SOX5: variants seen among roughly 807,000 people sequenced by gnomAD.
SOX5 encodes the protein SRY-box transcription factor 5.
A neutral mutation model predicts 92.0 loss-of-function variants in SOX5; 9 were observed. The observed-to-expected ratio is 0.10, with a 90% CI of 0.06 to 0.17. SOX5 has a LOEUF of 0.17. Among genes scored for constraint, SOX5 ranks in the 10% least tolerant of loss-of-function variants. The probability of loss-of-function intolerance (pLI) is 1.00; values close to 1 mark genes in which losing one functional copy is unlikely to be tolerated. For synonymous variants in SOX5, 344 were observed against 336.3 expected, an observed-to-expected ratio of 1.02 and a Z score of -0.25; for missense variants, 642 against 944.5, an observed-to-expected ratio of 0.68 and a Z score of 4.20.
intron 3 of SOX5, among the ~76,000 whole-genome samples, chr12:24,275,031 T>A (rs1030131740): frequency 6.0e-5 from 6 of 99,512 alleles, no homozygotes; most frequent in Non-Finnish European, 8.1e-5. Context: ...AATCCTCATT[T>A]CAACCCGACT....
intron 2 of SOX5, among the ~76,000 whole-genome samples, chr12:23,871,702 T>C (rs562329093): frequency 1.3e-4 from 20 of 152,240 alleles, no homozygotes; most frequent in African/African-American, 4.8e-4. Context: ...ATGACTCCGT[T>C]GGTATAAAAA....
intron 10 of SOX5, among the ~76,000 whole-genome samples, chr12:23,574,527 G>A (rs1948833424): frequency 6.6e-6 from 1 of 152,136 alleles, no homozygotes; most frequent in Admixed American, 6.6e-5. Flanking sequence ...ACTGAATTAT[G>A]TCAATTCTTC....
rs982340 is a variant in SOX5 at position 23,731,957 on chromosome 12, A to T, written c.810+2727T>A. Among the ~76,000 whole-genome samples the T allele has an allele frequency of 0.012, 1,882 of 152,314 alleles. 77 individuals are homozygous for T. In the East Asian group the frequency reaches 0.16, roughly 13 times the overall value. Reference sequence around the variant, plus strand: ...GTATGTTTATTTCTACAAGGTATCAAGGCACTGTATTTAAAAAAGAAAAAA... The same window carrying T: ...GTATGTTTATTTCTACAAGGTATCATGGCACTGTATTTAAAAAAGAAAAAA... On this transcript the variant is annotated intron_variant, in intron 6 of 14. Coordinates refer to ENST00000451604, the MANE Select transcript of SOX5 (RefSeq NM_006940.6).
At chr12:23,676,532 T>C (rs756197457) in intron 6 of SOX5, among the ~76,000 whole-genome samples, 53 of 151,754 alleles carry the variant, frequency 3.5e-4, no homozygotes, top group Non-Finnish European at 5.6e-4. Context: ...GGTATTGTTA[T>C]AGTCTCTAGG....
intron 1 of SOX5, among the ~76,000 whole-genome samples, chr12:24,416,888 T>C (rs1006534175): frequency 2.0e-5 from 3 of 152,182 alleles, no homozygotes; most frequent in African/African-American, 7.2e-5. Flanking sequence ...ACCAGAATAA[T>C]TGTCTACTCA....
intron 2 of SOX5, among the ~76,000 whole-genome samples, chr12:24,354,939 TTTTA>T (rs1170649750): frequency 1.3e-5 from 2 of 152,206 alleles, no homozygotes; most frequent in East Asian, 3.8e-4. Flanking sequence ...TTTTGGCATT[TTTTA>T]TTTGTTTCCT....
chr12:24,001,200 C>T (rs888735948), intron 4 of SOX5, among the ~76,000 whole-genome samples: 3 of 152,144 alleles, frequency 2.0e-5, no homozygotes, highest in Non-Finnish European at 2.9e-5. Flanking sequence ...CAGTGATCCA[C>T]CTGCCTCAGC....
intron 8 of SOX5, among the ~76,000 whole-genome samples, chr12:23,616,502 G>A (rs1041365896): frequency 6.6e-6 from 1 of 152,192 alleles, no homozygotes; most frequent in African/African-American, 2.4e-5. Context: ...GTAAGGAAGG[G>A]TATACTAAGG....
At chr12:24,308,597 A>G (rs952478674) in intron 2 of SOX5, among the ~76,000 whole-genome samples, 10 of 152,330 alleles carry the variant, frequency 6.6e-5, no homozygotes, top group South Asian at 2.1e-4. Flanking sequence ...GGATAACACT[A>G]CTAGACTGAT....
chr12:23,998,831 G>A (rs558283028), intron 4 of SOX5, among the ~76,000 whole-genome samples: 5 of 148,828 alleles, frequency 3.4e-5, no homozygotes, highest in African/African-American at 7.4e-5. Flanking sequence ...AAAAAGGGGG[G>A]GCGAAAAATT....
At chr12:23,740,144 G>T (rs1331377796) in intron 5 of SOX5, among the ~76,000 whole-genome samples, 1 of 152,160 alleles carries the variant, frequency 6.6e-6, no homozygotes, top group Non-Finnish European at 1.5e-5. Flanking sequence ...AATGCTGACT[G>T]GTGTTTCCAG....
chr12:24,441,588 G>A lies in SOX5; in HGVS notation c.-250-72949C>T, dbSNP rs78073488. Among the ~76,000 whole-genome samples, 758 of 152,160 alleles carry A rather than the reference G, an allele frequency of 5.0e-3. 11 individuals are homozygous for A. The East Asian group carries it at 0.051, about 10-fold the overall frequency. ...TAAAGTGGCAGTGGCAATCTGTGGC[G>A]GCATGCTACAGACACAAGTTCATGG... On this transcript the variant is annotated intron_variant, in intron 1 of 4. Transcript: ENST00000446891.
At chr12:23,631,238 T>C (rs779329368) in intron 8 of SOX5, among the ~76,000 whole-genome samples, 10 of 152,092 alleles carry the variant, frequency 6.6e-5, no homozygotes, top group Non-Finnish European at 1.5e-4. Context: ...AACTCTTATT[T>C]AGGTAAAATT....
chr12:24,344,908 G>A (rs1953049695), intron 2 of SOX5, among the ~76,000 whole-genome samples: 1 of 152,122 alleles, frequency 6.6e-6, no homozygotes, highest in South Asian at 2.1e-4. Context: ...AAGGAAGCCT[G>A]GGCTGCTTAT....
chr12:24,216,519 T>C (rs1294419258), intron 3 of SOX5, among the ~76,000 whole-genome samples: 1 of 151,760 alleles, frequency 6.6e-6, no homozygotes, highest in Non-Finnish European at 1.5e-5. Context: ...GTAATTAGAG[T>C]GATGGCGTTT....
chr12:23,902,918 T>G (rs2097252090), intron 1 of SOX5, among the ~76,000 whole-genome samples: 1 of 152,146 alleles, frequency 6.6e-6, no homozygotes, highest in Non-Finnish European at 1.5e-5. Context: ...ATAAATAAAT[T>G]AACGAATTGA....
intron 1 of SOX5, among the ~76,000 whole-genome samples, chr12:24,493,937 A>G (rs1482243970): frequency 6.6e-6 from 1 of 152,188 alleles, no homozygotes; most frequent in Non-Finnish European, 1.5e-5. Flanking sequence ...AGCCAGTGAT[A>G]CATTGACTTT....
At chr12:24,161,201 C>G (rs1304464448) in intron 4 of SOX5, among the ~76,000 whole-genome samples, 1 of 152,144 alleles carries the variant, frequency 6.6e-6, no homozygotes, top group Non-Finnish European at 1.5e-5. Flanking sequence ...GGTCTTAAAT[C>G]TCCCACTTAT....
At chr12:24,066,251 G>A (rs1940723537) in intron 4 of SOX5, among the ~76,000 whole-genome samples, 1 of 152,184 alleles carries the variant, frequency 6.6e-6, no homozygotes, top group African/African-American at 2.4e-5. Flanking sequence ...GGTTTATGAT[G>A]TTGAACTAAT....
Sources: gnomAD v4.1 joint callset for allele counts (sites outside exome capture counted in the v4.1 genomes callset) on GRCh38, gnomAD v4.1.1 for gene constraint, MANE v1.5 for transcripts, NCBI Gene and HGNC (gene_info 2026-07-23, HGNC 2026-07-21) for gene names.